Variants in EHD3 observed in about 807,000 individuals in gnomAD.
EHD3 encodes the protein EH domain-containing protein 3.
EHD3 carries 17 observed loss-of-function variants against 43.0 expected under a neutral mutation model. That is an observed-to-expected ratio of 0.40 (90% CI 0.27 to 0.59). EHD3 has a LOEUF of 0.59. EHD3 is among the 20% of genes least tolerant of loss of function. EHD3 has a pLI of 0.49. For synonymous variants in EHD3, 313 were observed against 289.5 expected, an observed-to-expected ratio of 1.08 and a Z score of -0.82; for missense variants, 594 against 705.6, an observed-to-expected ratio of 0.84 and a Z score of 1.79.
At position 31,243,460 on chromosome 2, in the gene EHD3, C is replaced by CTT. The variant is rs1309146980; in HGVS notation, c.228-802_228-801dup. Among the ~76,000 whole-genome samples, 153 of 98,478 alleles carry CTT rather than the reference C, an allele frequency of 1.6e-3. 11 individuals carry two copies. The highest frequency in any genetic ancestry group is 6.7e-3 in the African/African-American group (146 of 21,830). 64.6% of individuals were successfully genotyped at this position (98,478 alleles called of 152,430 possible). ...TCTTTCTTTCTTTCTTTCTTTCTTT[C>CTT]TTTTTTTTTTTTTGAGACAGAGTTT... On this transcript the variant is annotated intron_variant, in intron 1 of 5. Transcript: ENST00000322054.
intron 3 of EHD3, among the ~76,000 whole-genome samples, chr2:31,251,766 A>G (rs1347220643): frequency 6.6e-6 from 1 of 152,120 alleles, no homozygotes; most frequent in Non-Finnish European, 1.5e-5. Flanking sequence ...GCACGCTGTA[A>G]GCACCTGGCT....
intron 2 of EHD3, among the ~76,000 whole-genome samples, chr2:31,247,476 A>G (rs115614751): frequency 0.026 from 3,968 of 152,262 alleles, 135 homozygotes; most frequent in African/African-American, 0.068. Flanking sequence ...CAATGAATAA[A>G]ATGAAGGTGA....
chr2:31,251,808 G>A lies in EHD3; in HGVS notation c.502+2340G>A, dbSNP rs117319724. On this transcript the variant is annotated intron_variant, in intron 3 of 5. Coordinates refer to ENST00000322054, the MANE Select transcript of EHD3 (RefSeq NM_014600.3). ...TAAGGGCCCTGTGGAGGGACAGCAC[G>A]GGTGGTTTTTCTGTCTTGCTTTGGT... Among the ~76,000 whole-genome samples, 838 of 152,232 alleles carry A rather than the reference G, an allele frequency of 5.5e-3. 15 individuals are homozygous for A. Among genetic ancestry groups the A allele is most frequent in the East Asian group, 0.049 (256 of 5,174 alleles).
At chr2:31,240,721 C>T (rs994645612) in intron 1 of EHD3, among the ~76,000 whole-genome samples, 7 of 152,198 alleles carry the variant, frequency 4.6e-5, no homozygotes, top group East Asian at 1.9e-4. Context: ...GAATTTGAGA[C>T]GCCTGTGTGA....
intron 1 of EHD3, among the ~76,000 whole-genome samples, chr2:31,237,555 C>T (rs867023573): frequency 6.6e-6 from 1 of 152,206 alleles, no homozygotes; most frequent in Middle Eastern, 3.4e-3. Context: ...CGGGCACCCG[C>T]CAACACGCCT....
intron 1 of EHD3, among the ~76,000 whole-genome samples, chr2:31,242,190 G>A (rs1208494602): frequency 6.6e-6 from 1 of 152,256 alleles, no homozygotes; most frequent in Non-Finnish European, 1.5e-5. Context: ...ATGGGATGTT[G>A]ATGAGTGGGA....
At chr2:31,247,434 G>A (rs956489840) in intron 2 of EHD3, among the ~76,000 whole-genome samples, 1 of 152,092 alleles carries the variant, frequency 6.6e-6, no homozygotes, top group Admixed American at 6.5e-5. Context: ...TACTATTAAG[G>A]GGTCAGGAAT....
chr2:31,262,770 C>T (rs62140711), intron 5 of EHD3, among the ~76,000 whole-genome samples: 1 of 152,208 alleles, frequency 6.6e-6, no homozygotes, highest in Non-Finnish European at 1.5e-5. Context: ...AAAAAATTAA[C>T]TGGGCATGGT....
At position 31,244,475 on chromosome 2, in the gene EHD3, T is replaced by A. The variant is rs766544236; in HGVS notation, c.404+25T>A. ...GGTGAGTGTGGAGGGAACACAACAC[T>A]TTCAGGTGCTCTCTTTTCTTCTTGG... On this transcript the variant is annotated intron_variant, in intron 2 of 5. Coordinates refer to ENST00000322054, the MANE Select transcript of EHD3 (RefSeq NM_014600.3). 3.1e-6 allele frequency: 5 copies of A among 1,606,036 alleles called. No individual in the cohort carries two copies. In the African/African-American group the frequency reaches 6.7e-5, roughly 21 times the overall value.
Position 31,244,304 on chromosome 2 carries a change from G to A in EHD3, c.258G>A (p.Met86Ile), listed in dbSNP as rs1257534103. The change falls in exon 2 of 6, where the codon ATG becomes ATA. Residue 86 changes from methionine (M) to isoleucine (I), a missense_variant. Met to Ile is a conservative substitution (Grantham distance 10). Coordinates refer to ENST00000322054, the MANE Select transcript of EHD3 (RefSeq NM_014600.3). ...RYLLEQDFPG[M>I]RIGPEPTTDS... ...TGCTGGAACAGGACTTCCCAGGCAT[G>A]AGGATTGGGCCTGAGCCCACCACAG... is the stretch of plus-strand genomic sequence containing the variant. 3 of 1,614,020 alleles carry A rather than the reference G, an allele frequency of 1.9e-6. No homozygotes were observed. The highest frequency in any genetic ancestry group is 1.7e-6 in the Non-Finnish European group (2 of 1,179,896).
chr2:31,261,752 C>A, intron 5 of EHD3, 39 bp downstream of exon 5: 1 of 1,603,912 alleles, frequency 6.2e-7, no homozygotes. Context: ...GGGACAGTGT[C>A]CCGAGAGCTG....
Position 31,266,715 on chromosome 2 carries a change from G to A in EHD3, c.*11G>A, listed in dbSNP as rs1683959472. On this transcript the variant is annotated 3_prime_UTR_variant, in exon 6 of 6. Transcript: ENST00000322054. The surrounding 1 kb of genome is among the most constrained non-coding windows in gnomAD (Gnocchi z 5.1). ...AAAGTTGCCGAGTGATGGGGTGGGG[G>A]GACATTCAGACGGGCAGTGTTAGAG... 6.3e-7 allele frequency: 1 copy of A among 1,585,072 alleles called. No homozygotes were observed. Among genetic ancestry groups the A allele is most frequent in the Non-Finnish European group, 8.6e-7 (1 of 1,165,810 alleles).
At chr2:31,263,849 A>G (rs780495887) in intron 5 of EHD3, among the ~76,000 whole-genome samples, 10 of 152,172 alleles carry the variant, frequency 6.6e-5, no homozygotes, top group Non-Finnish European at 1.3e-4. Context: ...CTGTCACCCT[A>G]TCACCCTCTA....
intron 1 of EHD3, among the ~76,000 whole-genome samples, chr2:31,241,781 A>G (rs1683429308): frequency 6.6e-6 from 1 of 152,178 alleles, no homozygotes; most frequent in African/African-American, 2.4e-5. Flanking sequence ...GGCCACTGAG[A>G]TTCACAGCTT....
At chr2:31,252,544 G>A (rs182668831) in intron 3 of EHD3, among the ~76,000 whole-genome samples, 10 of 152,294 alleles carry the variant, frequency 6.6e-5, no homozygotes, top group East Asian at 1.9e-4. Context: ...GCGTAATCTC[G>A]GCTCACTGCA....
rs541626417 is a variant in EHD3 at position 31,255,681 on chromosome 2, C to T, written c.503-4829C>T. On this transcript the variant is annotated intron_variant, in intron 3 of 5. Transcript: ENST00000322054. ...CGGGGTTAGCCAGGAGCAGGGAAGT[C>T]GAGCTTCAGAGCAACCCATGGAGTC... 7.9e-5 allele frequency among the ~76,000 whole-genome samples: 12 copies of T among 152,250 alleles called. No homozygotes were observed. The South Asian group carries it at 2.5e-3, about 32-fold the overall frequency.
chr2:31,237,822 A>G (rs1432667675), intron 1 of EHD3, among the ~76,000 whole-genome samples: 2 of 152,190 alleles, frequency 1.3e-5, no homozygotes, highest in Non-Finnish European at 2.9e-5. Flanking sequence ...CATTCAACTA[A>G]TGAATAGCAT....
intron 1 of EHD3, among the ~76,000 whole-genome samples, chr2:31,241,881 C>T (rs761634767): frequency 1.3e-5 from 2 of 152,218 alleles, no homozygotes; most frequent in Non-Finnish European, 2.9e-5. Flanking sequence ...CTCATCACAA[C>T]CTCGGTGCCA....
At position 31,269,203 on chromosome 2, in the gene EHD3, T is replaced by C. The variant is rs1684008212; in HGVS notation, c.*2499T>C. 1 of 152,140 alleles carries C rather than the reference T, an allele frequency of 6.6e-6. No individual in the cohort carries two copies. Among genetic ancestry groups the C allele is most frequent in the East Asian group, 1.9e-4 (1 of 5,182 alleles). The allele number at this position is 152,140 out of a possible 1,614,324, so 9.4% of individuals were successfully genotyped here. On this transcript the variant is annotated 3_prime_UTR_variant, in exon 6 of 6. Transcript: ENST00000322054. ...CATGTCAGCCCCACAGACAAGAATT[T>C]CTAGAGCACTTGTCCTGTTGTTCCT...
Sources: gnomAD v4.1 joint callset for allele counts (sites outside exome capture counted in the v4.1 genomes callset) on GRCh38, gnomAD v4.1.1 for gene constraint, Gnocchi (gnomAD v3.1) non-coding constraint, MANE v1.5 for transcripts, NCBI Gene and HGNC (gene_info 2026-07-23, HGNC 2026-07-21) for gene names.